Variants in FLT4 observed in about 807,000 individuals in gnomAD.
FLT4 encodes the protein vascular endothelial growth factor receptor 3.
FLT4 carries 30 observed loss-of-function variants against 163.2 expected under a neutral mutation model. The ratio of observed to expected loss-of-function variants is 0.18; its 90% CI spans 0.14 to 0.25. The LOEUF is 0.25. FLT4 is among the 10% of genes least tolerant of loss of function. The probability of loss-of-function intolerance (pLI) is 1.00; values close to 1 mark genes in which losing one functional copy is unlikely to be tolerated. For missense variants in FLT4, 1,510 were observed against 1,863.8 expected (o/e 0.81, Z 3.50); for synonymous variants, 884 against 789.5 (o/e 1.12, Z -2.01).
rs1761558422 is a variant in FLT4, at chr5:180,602,356, T to G, written c.*836A>C. The G allele has an allele frequency of 6.2e-6, 2 of 324,476 alleles. No individual in the cohort carries two copies. Among genetic ancestry groups the G allele is most frequent in the Non-Finnish European group, 1.1e-5 (2 of 179,088 alleles). 20.1% of individuals were successfully genotyped at this position (324,476 alleles called of 1,614,324 possible). A position where few individuals can be genotyped will look rare whatever the true frequency, so the allele number is the denominator to read the frequency against. ...TGGGCCAGGTGGGAGAGCAAGGGCCTTCTCCAGAGGCACTGACTGCTCTGC... is the reference window on the plus strand; with the variant it reads ...TGGGCCAGGTGGGAGAGCAAGGGCCGTCTCCAGAGGCACTGACTGCTCTGC... On this transcript the variant is annotated 3_prime_UTR_variant, in exon 30 of 30. Transcript: ENST00000261937.
chr5:180,620,487 G>A lies in FLT4; in HGVS notation c.2406+122C>T. The A allele has an allele frequency of 1.7e-6, 2 of 1,179,252 alleles. No homozygotes were observed. Among genetic ancestry groups the A allele is most frequent in the Non-Finnish European group, 2.5e-6 (2 of 799,080 alleles). The allele number at this position is 1,179,252 out of a possible 1,614,324, so 73.0% of individuals were successfully genotyped here. A position where few individuals can be genotyped will look rare whatever the true frequency, so the allele number is the denominator to read the frequency against. On this transcript the variant is annotated intron_variant, in intron 16 of 29. Transcript: ENST00000261937. This position sits in a 1 kb window ranked among gnomAD's most constrained non-coding sequence, Gnocchi z 4.4. ...TGGAGCCCAGCGTGAAGGGCAGGGAGGCTTCCCAGGAAACAAGGCTGCCAG... is the reference window on the plus strand; with the variant it reads ...TGGAGCCCAGCGTGAAGGGCAGGGAAGCTTCCCAGGAAACAAGGCTGCCAG...
At chr5:180,618,747 A>G (rs1448162891) in intron 21 of FLT4, 23 bp downstream of exon 21, 3 of 1,579,152 alleles carry the variant, frequency 1.9e-6, no homozygotes, top group African/African-American at 1.4e-5. Flanking sequence ...GCACTAGGAA[A>G]AGGGAAGAGG....
In FLT4 at chr5:180,620,681, G is replaced by A; in HGVS notation, c.2334C>T (p.Ile778=). 6.2e-7 allele frequency: 1 copy of A among 1,613,634 alleles called. No individual in the cohort carries two copies. The highest frequency in any genetic ancestry group is 1.1e-5 in the South Asian group (1 of 91,082). Residue 778 remains isoleucine, a synonymous_variant, in exon 16 of 30, where the codon ATC becomes ATT. Transcript: ENST00000261937. The surrounding 1 kb of genome is among the most constrained non-coding windows in gnomAD (Gnocchi z 4.4). ...SEDKGSMEIV[I]LVGTGVIAVF... is the part of the protein sequence containing the mutation. ...CAGCGATGACGCCGGTACCGACAAG[G>A]ATCACGATCTCCATGCTGCCCTTAT...
chr5:180,615,255 A>T (rs392299), intron 23 of FLT4, among the ~76,000 whole-genome samples: 1,129 of 49,044 alleles, frequency 0.023, 17 homozygotes, highest in Middle Eastern at 0.036. Context: ...GTCAACTCCC[A>T]TCTCCACTTC....
rs180966667 is a variant in FLT4, at chr5:180,619,785, G to A, written c.2543-16C>T. The A allele has an allele frequency of 4.8e-4, 758 of 1,593,334 alleles. 6 individuals carry two copies. The African/African-American group carries it at 8.7e-3, about 18-fold the overall frequency. The stretch of plus-strand genomic sequence containing the variant: ...AGCACTCTCCCTGTCGGGGCAGGGG[G>A]CCAGTTGCAGGTGAGCTGTACGGGG... On this transcript the variant is annotated splice_polypyrimidine_tract_variant and intron_variant, in intron 17 of 29. Transcript: ENST00000261937.
chr5:180,628,390 G>C (rs1763806520), intron 8 of FLT4, among the ~76,000 whole-genome samples: 1 of 152,222 alleles, frequency 6.6e-6, no homozygotes, highest in Non-Finnish European at 1.5e-5. Context: ...CCAGCAGCTT[G>C]TCGGCCTCCT....
Position 180,630,951 on chromosome 5 carries a change from G to T in FLT4, c.156-152C>A. On this transcript the variant is annotated intron_variant, in intron 2 of 29. Coordinates refer to ENST00000261937, the MANE Select transcript of FLT4 (RefSeq NM_182925.5). The surrounding 1 kb of genome is among the most constrained non-coding windows in gnomAD (Gnocchi z 6.3). ...GGGCGCACACTACAGACCGTGCCCA[G>T]GGCAGGGCACTCCCCGACCCCCGGG... 1.0e-6 allele frequency: 1 copy of T among 960,760 alleles called. No individual in the cohort carries two copies. Among genetic ancestry groups the T allele is most frequent in the Non-Finnish European group, 1.5e-6 (1 of 666,920 alleles). 59.5% of individuals were successfully genotyped at this position (960,760 alleles called of 1,614,324 possible).
At chr5:180,639,377 G>GAGT (rs1764928422) in intron 1 of FLT4, among the ~76,000 whole-genome samples, 2 of 98,066 alleles carry the variant, frequency 2.0e-5, no homozygotes, top group South Asian at 8.5e-4. Context: ...ATGAGTGGAT[G>GAGT]GGTGGATGGA....
intron 29 of FLT4, among the ~76,000 whole-genome samples, chr5:180,606,923 A>AAAG (rs1761833055): frequency 6.7e-6 from 1 of 149,104 alleles, no homozygotes; most frequent in African/African-American, 2.5e-5. Context: ...AAACAAACAA[A>AAAG]CAAACTTAGC....
chr5:180,622,908 C>A, intron 11 of FLT4, 69 bp from the exon 12 acceptor site: 3 of 1,031,120 alleles, frequency 2.9e-6, no homozygotes, highest in Non-Finnish European at 4.5e-6. Context: ...TGTCTTTCTG[C>A]AAGGAGGTCG....
chr5:180,615,283 C>T (rs77960337), intron 23 of FLT4, among the ~76,000 whole-genome samples: 81 of 104,862 alleles, frequency 7.7e-4, no homozygotes, highest in Middle Eastern at 0.013. Context: ...CACTTCCTTT[C>T]GGAGCACTGG....
rs1763593023 is a variant in FLT4, at chr5:180,626,177, T to C, written c.1192A>G (p.Thr398Ala). 11 of 1,612,736 alleles carry C rather than the reference T, an allele frequency of 6.8e-6. No individual in the cohort carries two copies. The highest frequency in any genetic ancestry group is 1.1e-5 in the South Asian group (1 of 91,084). The part of the protein sequence containing the change: ...EVTEASTGTY[T>A]LALWNSAAGL... ...GCAGCGGAGTTCCACAGGGCGAGGG[T>C]GTAGGTGCCTGTGCTGGCCTCTGTC... Residue 398 changes from threonine to alanine, a missense_variant, in exon 9 of 30, where the codon ACC becomes GCC. Thr to Ala is a moderately conservative substitution (Grantham distance 58). Around this residue, in one of 5 missense-constraint regions of FLT4, gnomAD observed 878 missense variants for 1,016.7 expected, o/e 0.86. Coordinates refer to ENST00000261937, the MANE Select transcript of FLT4 (RefSeq NM_182925.5).
rs1024142115 is a variant in FLT4, at chr5:180,620,441, G to C, written c.2407-133C>G. ...CAGTCAAGGAGGGGACAGAAAAAAA[G>C]ACAGACAACCTCTGCGGGGTTGGAG... On this transcript the variant is annotated intron_variant, in intron 16 of 29. Transcript: ENST00000261937. The surrounding 1 kb of genome is among the most constrained non-coding windows in gnomAD (Gnocchi z 4.4). The C allele has an allele frequency of 9.4e-5, 125 of 1,326,690 alleles. No homozygotes were observed. The highest frequency in any genetic ancestry group is 1.3e-4 in the Non-Finnish European group (121 of 929,940). The allele number at this position is 1,326,690 out of a possible 1,614,324, so 82.2% of individuals were successfully genotyped here.
intron 23 of FLT4, among the ~76,000 whole-genome samples, chr5:180,615,006 T>A (rs1762528296): frequency 6.6e-6 from 1 of 152,042 alleles, no homozygotes; most frequent in African/African-American, 2.4e-5. Context: ...AGCGGGTCCA[T>A]CTCCAGGACA....
intron 29 of FLT4, chr5:180,608,380 G>C (rs1414512319): frequency 1.4e-6 from 1 of 698,454 alleles, no homozygotes; most frequent in East Asian, 2.7e-5. Context: ...CCCTTGTCTT[G>C]CATGCAATAA....
At chr5:180,609,230 C>T (rs552022085) in intron 28 of FLT4, 177 bp from the exon 29 acceptor site, 1 of 651,316 alleles carries the variant, frequency 1.5e-6, no homozygotes, top group Non-Finnish European at 2.8e-6. Context: ...GGTCACATGC[C>T]CCTGCCACGG....
intron 28 of FLT4, chr5:180,609,385 C>T (rs556260568): frequency 2.4e-5 from 11 of 459,458 alleles, no homozygotes; most frequent in African/African-American, 3.9e-5. Context: ...CCTGGCAGCT[C>T]GTAGTTCAAA....
In FLT4 at chr5:180,618,821, G is replaced by A. The variant is rs1179201670; in HGVS notation, c.2950C>T (p.Arg984Trp). The change falls in exon 21 of 30, where the codon CGG becomes TGG. Residue 984 changes from arginine to tryptophan, a missense_variant. Coordinates refer to ENST00000261937, the MANE Select transcript of FLT4 (RefSeq NM_182925.5). ...PGSSDRVLFA[R>W]FSKTEGGARR... ...GCTCCGCCCTCGGTCTTCGAGAACC[G>A]CGCGAAGAGGACCCTGTCGCTGCTC... 6 of 1,585,686 alleles carry A rather than the reference G, an allele frequency of 3.8e-6. No homozygotes were observed. The highest frequency in any genetic ancestry group is 4.3e-6 in the Non-Finnish European group (5 of 1,166,738).
At chr5:180,640,762 G>A (rs977120743) in intron 1 of FLT4, among the ~76,000 whole-genome samples, 8 of 152,142 alleles carry the variant, frequency 5.3e-5, no homozygotes, top group Admixed American at 1.3e-4. Context: ...CGTGTCCTGC[G>A]TCCCTTGTTC....
Sources: allele counts gnomAD v4.1 joint callset (sites outside exome capture counted in the v4.1 genomes callset), GRCh38; gene constraint gnomAD v4.1.1; regional missense constraint gnomAD v4.1.1; non-coding constraint Gnocchi (gnomAD v3.1); transcripts MANE v1.5; gene names NCBI Gene and HGNC (gene_info 2026-07-23, HGNC 2026-07-21).